HMG20A: variants seen among roughly 807,000 people sequenced by gnomAD.
HMG20A encodes the protein high mobility group 20A.
In HMG20A, 17 loss-of-function variants were observed where a neutral mutation model predicts 43.9. The ratio of observed to expected loss-of-function variants is 0.39; its 90% confidence interval spans 0.27 to 0.58. The LOEUF (loss-of-function observed/expected upper bound fraction) is 0.58, where lower values mean the gene tolerates loss of function less well. HMG20A is among the 20% of genes least tolerant of loss of function. The probability of loss-of-function intolerance (pLI) is 0.59; values close to 1 mark genes in which losing one functional copy is unlikely to be tolerated. For synonymous variants in HMG20A, 132 were observed against 147.5 expected (o/e 0.89, Z 0.76); for missense variants, 341 against 438.2 (o/e 0.78, Z 1.98).
chr15:77,422,803 C>T (rs1042743279), intron 1 of HMG20A, among the ~76,000 whole-genome samples: 4 of 152,028 alleles, frequency 2.6e-5, no homozygotes, highest in African/African-American at 9.7e-5. Flanking sequence ...CAGTAGTTGA[C>T]TGAAAAAGCA....
At position 77,433,874 on chromosome 15, in the gene HMG20A, A is replaced by G. The variant is rs78725412; in HGVS notation, c.-5+12870A>G. Among the ~76,000 whole-genome samples, 650 of 152,352 alleles carry G rather than the reference A, an allele frequency of 4.3e-3. 1 individual carries two copies. The highest frequency in any genetic ancestry group is 0.013 in the African/African-American group (556 of 41,582). On this transcript the variant is annotated intron_variant, in intron 1 of 9. Transcript: ENST00000336216. ...AAATCTCAGGTGATTTGTGTACATGATGGAAGGAGGGACTTACAAGTTGAT... is the reference window on the plus strand; with the variant it reads ...AAATCTCAGGTGATTTGTGTACATGGTGGAAGGAGGGACTTACAAGTTGAT...
chr15:77,431,443 C>T (rs552064651), intron 1 of HMG20A, among the ~76,000 whole-genome samples: 1 of 152,214 alleles, frequency 6.6e-6, no homozygotes, highest in East Asian at 1.9e-4. Flanking sequence ...AAGTCCTGAC[C>T]TCAGGTGATT....
rs763142110 is a variant in HMG20A, at chr15:77,464,259, C to G, written c.109C>G (p.Pro37Ala). 5.0e-6 allele frequency: 8 copies of G among 1,613,622 alleles called. No individual in the cohort carries two copies. Among genetic ancestry groups the G allele is most frequent in the Non-Finnish European group, 5.9e-6 (7 of 1,179,758 alleles). ...ATTGLNHPEV[P>A]YSSGATSSTN... ...ATTCAGGTTAAATCACCCAGAGGTTCCATACAGTAGTGGCGCCACATCATC... is the reference window on the plus strand; with the variant it reads ...ATTCAGGTTAAATCACCCAGAGGTTGCATACAGTAGTGGCGCCACATCATC... Residue 37 changes from proline to alanine, a missense_variant, in exon 3 of 10, where the codon CCA becomes GCA. Physicochemically the swap from Pro to Ala is conservative, Grantham distance 27. Transcript: ENST00000336216.
chr15:77,478,385 G>T lies in HMG20A; in HGVS notation c.782G>T (p.Arg261Leu). 6.2e-7 allele frequency: 1 copy of T among 1,613,566 alleles called. No individual in the cohort carries two copies. The highest frequency in any genetic ancestry group is 8.5e-7 in the Non-Finnish European group (1 of 1,180,030). The part of the protein sequence containing the change: ...AALQKHVESM[R>L]TAVEKLEVDV... ...CTGCAAAAGCACGTGGAGAGCATGC[G>T]CACAGCAGTGGAGAAGCTGGAGGTG... Residue 261 changes from arginine (R) to leucine (L), a missense_variant, in exon 8 of 10, where the codon CGC (arginine) becomes CTC (leucine). Transcript: ENST00000336216.
the HMG20A span, among the ~76,000 whole-genome samples, chr15:77,505,343 A>C: frequency 2.4e-4 from 37 of 152,378 alleles, no homozygotes; most frequent in East Asian, 2.9e-3. Context: ...GATGCAGCTC[A>C]GACACATCTT....
the HMG20A span, among the ~76,000 whole-genome samples, chr15:77,516,562 C>T: frequency 1.3e-5 from 2 of 152,178 alleles, no homozygotes; most frequent in African/African-American, 4.8e-5. Flanking sequence ...GTGTGTCCCA[C>T]TTGGGGCTCC....
rs1406538233 is a variant in HMG20A, at chr15:77,483,737, C to A, written c.*774C>A. 1 of 152,704 alleles carries A rather than the reference C, an allele frequency of 6.5e-6. No individual in the cohort carries two copies. Among genetic ancestry groups the A allele is most frequent in the African/African-American group, 2.4e-5 (1 of 41,456 alleles). 9.5% of individuals were successfully genotyped at this position (152,704 alleles called of 1,614,324 possible). A position where few individuals can be genotyped will look rare whatever the true frequency, so the allele number is the denominator to read the frequency against. ...CATTGCTCCTGCACAGACATGGAGT[C>A]CCAGCCCCAGCAAGGCTCTTCTGTT... is the stretch of plus-strand genomic sequence containing the variant. On this transcript the variant is annotated 3_prime_UTR_variant, in exon 10 of 10. Coordinates refer to ENST00000336216, the MANE Select transcript of HMG20A (RefSeq NM_001304504.2).
chr15:77,440,891 A>G (rs1219954948), intron 1 of HMG20A, among the ~76,000 whole-genome samples: 2 of 152,170 alleles, frequency 1.3e-5, no homozygotes, highest in Non-Finnish European at 2.9e-5. Context: ...TCTGTGGATC[A>G]GTTTGTTCAC....
chr15:77,480,880 T>G (rs1239739580), intron 9 of HMG20A, among the ~76,000 whole-genome samples: 2 of 152,136 alleles, frequency 1.3e-5, no homozygotes, highest in Non-Finnish European at 1.5e-5. Context: ...CTCTATTGGT[T>G]AAGTTATTCC....
At chr15:77,449,763 G>T (rs182306945) in intron 1 of HMG20A, among the ~76,000 whole-genome samples, 4 of 152,076 alleles carry the variant, frequency 2.6e-5, no homozygotes, top group Non-Finnish European at 5.9e-5. Context: ...AATATCCCTG[G>T]CACCAGAATG....
chr15:77,500,446 A>G, the HMG20A span, among the ~76,000 whole-genome samples: 2 of 152,168 alleles, frequency 1.3e-5, no homozygotes, highest in Non-Finnish European at 1.5e-5. Context: ...GCAAGGGCCT[A>G]TCCCATAGTG....
intron 1 of HMG20A, among the ~76,000 whole-genome samples, chr15:77,421,414 A>G (rs1409854386): frequency 6.6e-6 from 1 of 152,236 alleles, no homozygotes; most frequent in Non-Finnish European, 1.5e-5. Flanking sequence ...TTTCCTCCCC[A>G]GCAAAATTGT....
intron 1 of HMG20A, among the ~76,000 whole-genome samples, chr15:77,449,544 G>A (rs756092371): frequency 6.6e-5 from 10 of 152,042 alleles, no homozygotes; most frequent in Non-Finnish European, 8.8e-5. Context: ...ATCAAAGTCA[G>A]TTGTGTTTAT....
At chr15:77,435,914 C>G (rs1036385103) in intron 1 of HMG20A, among the ~76,000 whole-genome samples, 1 of 151,720 alleles carries the variant, frequency 6.6e-6, no homozygotes, top group Non-Finnish European at 1.5e-5. Context: ...CTCTACTCAT[C>G]TTCTAACTGT....
chr15:77,433,523 G>A (rs757105286), intron 1 of HMG20A, among the ~76,000 whole-genome samples: 1 of 152,106 alleles, frequency 6.6e-6, no homozygotes, highest in Non-Finnish European at 1.5e-5. Context: ...GATATTTTGA[G>A]AGAAGATATT....
the HMG20A span, among the ~76,000 whole-genome samples, chr15:77,519,564 AG>A: frequency 1.3e-5 from 2 of 152,154 alleles, no homozygotes; most frequent in Non-Finnish European, 2.9e-5. Context: ...GGCTCAAGTG[AG>A]CTCCCTGGCC....
Position 77,458,393 on chromosome 15 carries a change from TTTCC to T in HMG20A, c.-4-8_-4-5del. ...AGCCATTAATTTTTTTTTATTCTCT[TTTCC>T]TTTCAGAGAGATGGAAAACTTGATG... On this transcript the variant is annotated splice_region_variant and splice_polypyrimidine_tract_variant and intron_variant, in intron 1 of 9. Transcript: ENST00000336216. The T allele has an allele frequency of 6.3e-7, 1 of 1,593,052 alleles. No individual in the cohort carries two copies. Among genetic ancestry groups the T allele is most frequent in the Non-Finnish European group, 8.6e-7 (1 of 1,163,380 alleles).
chr15:77,501,067 T>C, the HMG20A span, among the ~76,000 whole-genome samples: 1 of 152,210 alleles, frequency 6.6e-6, no homozygotes, highest in African/African-American at 2.4e-5. Context: ...ATGCCTATTC[T>C]GATACTGATC....
downstream of HMG20A, among the ~76,000 whole-genome samples, chr15:77,489,097 T>C (rs1407273257): frequency 1.3e-5 from 2 of 152,216 alleles, no homozygotes; most frequent in Non-Finnish European, 2.9e-5. Context: ...TTTATGTAGA[T>C]TAGTCAATCC....
Sources: allele counts gnomAD v4.1 joint callset (sites outside exome capture counted in the v4.1 genomes callset), GRCh38; gene constraint gnomAD v4.1.1; transcripts MANE v1.5; gene names NCBI Gene and HGNC (gene_info 2026-07-23, HGNC 2026-07-21).